The following ITGA9 variants were observed in gnomAD, a reference collection of about 807,000 sequenced individuals.
ITGA9 encodes the protein integrin alpha-9.
A neutral mutation model predicts 127.8 loss-of-function variants in ITGA9; 56 were observed. That is an observed-to-expected ratio of 0.44 (90% confidence interval 0.35 to 0.55). The LOEUF (loss-of-function observed/expected upper bound fraction) is 0.55, where lower values mean the gene tolerates loss of function less well. ITGA9 is among the 20% of genes least tolerant of loss of function. The pLI is 0.00. For synonymous variants in ITGA9, 508 were observed against 514.5 expected (o/e 0.99, Z 0.17); for missense variants, 1,196 against 1,347.1 (o/e 0.89, Z 1.76).
intron 15 of ITGA9, among the ~76,000 whole-genome samples, chr3:37,555,180 C>T (rs1699418518): frequency 6.6e-6 from 1 of 152,202 alleles, no homozygotes; most frequent in African/African-American, 2.4e-5. Flanking sequence ...ATAATCTGGT[C>T]TGAGGCCCCT....
intron 16 of ITGA9, among the ~76,000 whole-genome samples, chr3:37,637,661 GT>G (rs1700293717): frequency 6.7e-6 from 1 of 148,432 alleles, no homozygotes; most frequent in African/African-American, 2.6e-5. Flanking sequence ...AGCAAACTAT[GT>G]TTTTGTTTTT....
At chr3:37,708,141 C>T (rs1421818945) in intron 18 of ITGA9, among the ~76,000 whole-genome samples, 2 of 152,150 alleles carry the variant, frequency 1.3e-5, no homozygotes, top group African/African-American at 4.8e-5. Flanking sequence ...TCTTGGCCAA[C>T]CTTACTCATG....
intron 16 of ITGA9, among the ~76,000 whole-genome samples, chr3:37,630,305 A>G (rs1700219426): frequency 1.3e-5 from 2 of 152,176 alleles, no homozygotes; most frequent in African/African-American, 4.8e-5. Flanking sequence ...CCTCTTTCCC[A>G]TCATCCTAAG....
At chr3:37,682,819 G>T (rs544947061) in intron 17 of ITGA9, among the ~76,000 whole-genome samples, 98 of 152,210 alleles carry the variant, frequency 6.4e-4, no homozygotes, top group Admixed American at 6.5e-4. Context: ...CTGTTGGCAT[G>T]ACCTTTGAAA....
At chr3:37,530,729 T>G (rs1440139091) in intron 13 of ITGA9, among the ~76,000 whole-genome samples, 11 of 10,636 alleles carry the variant, frequency 1.0e-3, no homozygotes, top group African/African-American at 1.9e-3. Context: ...TTTTTTTTTT[T>G]TTTTTTTTTT....
chr3:37,502,786 G>C (rs953177447), intron 5 of ITGA9, among the ~76,000 whole-genome samples: 1 of 152,168 alleles, frequency 6.6e-6, no homozygotes, highest in Admixed American at 6.5e-5. Context: ...GTCCAGGCAG[G>C]GTGCGGTATT....
intron 8 of ITGA9, among the ~76,000 whole-genome samples, chr3:37,512,056 C>CTTTCTTTCTTTG (rs1559524635): frequency 2.3e-5 from 1 of 44,368 alleles, no homozygotes; most frequent in Non-Finnish European, 4.8e-5. Flanking sequence ...TTCTTTCTTT[C>CTTTCTTTCTTTG]TTTCTTTCTT....
intron 18 of ITGA9, among the ~76,000 whole-genome samples, chr3:37,692,414 T>A (rs113063080): frequency 3.1e-3 from 414 of 134,838 alleles, no homozygotes; most frequent in East Asian, 7.0e-3. Context: ...AGAGAGAGAG[T>A]GTGTGTGTGT....
At chr3:37,692,979 T>C (rs1700847647) in intron 18 of ITGA9, among the ~76,000 whole-genome samples, 1 of 152,158 alleles carries the variant, frequency 6.6e-6, no homozygotes, top group Non-Finnish European at 1.5e-5. Flanking sequence ...GAAACAGTGC[T>C]GACAGGCCAG....
chr3:37,589,094 G>A (rs887240605), intron 15 of ITGA9, among the ~76,000 whole-genome samples: 78 of 152,188 alleles, frequency 5.1e-4, no homozygotes, highest in African/African-American at 2.9e-4. Flanking sequence ...TGGCTTCCTC[G>A]TCTAGAAATT....
intron 15 of ITGA9, among the ~76,000 whole-genome samples, chr3:37,584,709 T>G (rs934991206): frequency 6.6e-6 from 1 of 152,074 alleles, no homozygotes; most frequent in African/African-American, 2.4e-5. Context: ...GAGCCAAGAC[T>G]GCGCCACTGC....
chr3:37,809,239 C>T (rs2125564792), intron 27 of ITGA9, among the ~76,000 whole-genome samples: 1 of 152,092 alleles, frequency 6.6e-6, no homozygotes, highest in Non-Finnish European at 1.5e-5. Context: ...GTGCCTGCCA[C>T]CAAGCCTGGC....
At chr3:37,655,034 A>G (rs1432719898) in intron 17 of ITGA9, among the ~76,000 whole-genome samples, 1 of 152,100 alleles carries the variant, frequency 6.6e-6, no homozygotes, top group Non-Finnish European at 1.5e-5. Flanking sequence ...ATCCTTTTTT[A>G]TGGCTGCATA....
intron 16 of ITGA9, among the ~76,000 whole-genome samples, chr3:37,636,093 C>T (rs1700275767): frequency 6.6e-6 from 1 of 151,946 alleles, no homozygotes; most frequent in African/African-American, 2.4e-5. Context: ...TATAAACATA[C>T]ATGTGCGTGT....
chr3:37,636,029 CGTT>C (rs1559554853), intron 16 of ITGA9, among the ~76,000 whole-genome samples: 4 of 151,848 alleles, frequency 2.6e-5, no homozygotes, highest in South Asian at 2.1e-4. Context: ...TCCAGTCTAT[CGTT>C]GTTGGACATT....
chr3:37,600,411 T>G (rs1307964333), intron 15 of ITGA9, among the ~76,000 whole-genome samples: 2 of 152,180 alleles, frequency 1.3e-5, no homozygotes, highest in Non-Finnish European at 2.9e-5. Context: ...CTCTGTGGCC[T>G]ATTCCTGTGC....
In ITGA9 at chr3:37,526,198, G is replaced by T. The variant is rs1223122734; in HGVS notation, c.1373+127G>T. 5 of 818,646 alleles carry T rather than the reference G, an allele frequency of 6.1e-6. No individual in the cohort carries two copies. In the Admixed American group the frequency reaches 7.7e-5, roughly 13 times the overall value. The allele number at this position is 818,646 out of a possible 1,614,324, so 50.7% of individuals were successfully genotyped here. A position where few individuals can be genotyped will look rare whatever the true frequency, so the allele number is the denominator to read the frequency against. On this transcript the variant is annotated intron_variant, in intron 13 of 27. Coordinates refer to ENST00000264741, the MANE Select transcript of ITGA9 (RefSeq NM_002207.3). ...CTGGAGGTGCTTAGTAAGTGGAAAT[G>T]CTACCTTATTTTCTCATTCTAATTA...
intron 17 of ITGA9, among the ~76,000 whole-genome samples, chr3:37,667,049 T>A (rs1278145240): frequency 6.6e-6 from 1 of 151,952 alleles, no homozygotes; most frequent in Non-Finnish European, 1.5e-5. Flanking sequence ...CACTGGCAGC[T>A]GAAAGTCAGC....
chr3:37,604,979 C>T (rs1479661833), intron 15 of ITGA9, among the ~76,000 whole-genome samples: 2 of 152,258 alleles, frequency 1.3e-5, no homozygotes, highest in East Asian at 3.9e-4. Flanking sequence ...ATGAAATAGA[C>T]ATGAGTACTC....
Sources: allele counts gnomAD v4.1 joint callset (sites outside exome capture counted in the v4.1 genomes callset), GRCh38; gene constraint gnomAD v4.1.1; transcripts MANE v1.5; gene names NCBI Gene and HGNC (gene_info 2026-07-23, HGNC 2026-07-21).